Variants in RPS6KA2 observed in about 807,000 individuals in gnomAD.
The protein encoded by RPS6KA2 is ribosomal protein S6 kinase A2, also known as ribosomal protein S6 kinase alpha-2.
A neutral mutation model predicts 91.8 loss-of-function variants in RPS6KA2; 42 were observed. The observed-to-expected ratio is 0.46, with a 90% CI of 0.36 to 0.59. RPS6KA2 has a LOEUF of 0.59. RPS6KA2 is among the 20% of genes least tolerant of loss of function. The pLI is 0.00. For missense variants in RPS6KA2, 798 were observed against 978.5 expected (o/e 0.82, Z 2.46); for synonymous variants, 414 against 393.6 (o/e 1.05, Z -0.61).
intron 1 of RPS6KA2, among the ~76,000 whole-genome samples, chr6:166,600,132 C>A (rs1785681616): frequency 6.6e-6 from 1 of 152,194 alleles, no homozygotes. Flanking sequence ...CTCAGCTTCC[C>A]AAATAGGTGC....
chr6:166,792,637 A>T (rs1307262122), intron 2 of RPS6KA2, among the ~76,000 whole-genome samples: 5 of 152,336 alleles, frequency 3.3e-5, no homozygotes, highest in East Asian at 3.9e-4. Flanking sequence ...CCAGCAGCAC[A>T]TCAAAACTCT....
intron 2 of RPS6KA2, among the ~76,000 whole-genome samples, chr6:166,854,615 A>G (rs965007670): frequency 5.3e-5 from 8 of 152,228 alleles, no homozygotes; most frequent in African/African-American, 1.9e-4. Context: ...ACTTTTTATC[A>G]TATATGTTCA....
intron 2 of RPS6KA2, among the ~76,000 whole-genome samples, chr6:166,855,654 C>T (rs982131947): frequency 2.6e-5 from 4 of 152,178 alleles, no homozygotes; most frequent in Non-Finnish European, 5.9e-5. Flanking sequence ...ACAAAAGTTA[C>T]ACAACATCAT....
chr6:166,701,296 A>T (rs1306332153), intron 2 of RPS6KA2: 2 of 1,608,806 alleles, frequency 1.2e-6, no homozygotes, highest in Non-Finnish European at 1.7e-6. Flanking sequence ...CAAATTCTGA[A>T]GTTCATTCAC....
chr6:166,603,656 G>A lies in RPS6KA2; in HGVS notation c.99+23265C>T, dbSNP rs1002837007. On this transcript the variant is annotated intron_variant, in intron 1 of 20. Transcript: ENST00000265678. The surrounding 1 kb of genome is among the most constrained non-coding windows in gnomAD (Gnocchi z 4.3). ...CAACACCTGTCATTGGGAGGGCATC[G>A]TGAACATGGCTGGCACATTCCGGGT... Among the ~76,000 whole-genome samples, 2 of 152,172 alleles carry A rather than the reference G, an allele frequency of 1.3e-5. No homozygotes were observed. Among genetic ancestry groups the A allele is most frequent in the African/African-American group, 2.4e-5 (1 of 41,424 alleles).
intron 3 of RPS6KA2, among the ~76,000 whole-genome samples, chr6:166,525,087 T>A (rs956116315): frequency 7.2e-5 from 11 of 152,176 alleles, no homozygotes; most frequent in Admixed American, 1.3e-4. Context: ...ATACAGCCCA[T>A]CTCTTAAGGT....
rs564359203 is a variant in RPS6KA2, at chr6:166,724,967, C to T, written c.123+133233G>A. On this transcript the variant is annotated intron_variant, in intron 2 of 21. Transcript: ENST00000503859. ...GTATTCGACTTCTCAAGTTGAAATG[C>T]TCTCTACTAACTCTCTGCTCAGAGA... 1.8e-4 allele frequency among the ~76,000 whole-genome samples: 28 copies of T among 152,304 alleles called. No homozygotes were observed. The South Asian group carries it at 5.2e-3, about 28-fold the overall frequency.
At chr6:166,523,030 C>T (rs555491796) in intron 3 of RPS6KA2, among the ~76,000 whole-genome samples, 2 of 152,338 alleles carry the variant, frequency 1.3e-5, no homozygotes, top group South Asian at 4.1e-4. Context: ...ACTACTTACA[C>T]TGCAGAGGTA....
At position 166,659,014 on chromosome 6, in the gene RPS6KA2, C is replaced by T. The variant is rs577080366; in HGVS notation, c.124-120230G>A. Among the ~76,000 whole-genome samples the T allele has an allele frequency of 3.5e-4, 53 of 152,214 alleles. 1 individual carries two copies. The South Asian group carries it at 8.3e-3, about 24-fold the overall frequency. On this transcript the variant is annotated intron_variant, in intron 2 of 21. Coordinates refer to the RPS6KA2 transcript ENST00000503859. ...TTCCCCAGAATCATACATGCTTCTC[C>T]GGTAAACTGTGGTCCCAGTGACCCT...
intron 1 of RPS6KA2, among the ~76,000 whole-genome samples, chr6:166,547,167 T>C (rs1356397828): frequency 6.6e-6 from 1 of 152,192 alleles, no homozygotes; most frequent in Admixed American, 6.5e-5. Context: ...GAGGGACGCT[T>C]GCTGGGGTAA....
intron 2 of RPS6KA2, among the ~76,000 whole-genome samples, chr6:166,830,880 T>G (rs1780167105): frequency 6.6e-6 from 1 of 152,180 alleles, no homozygotes; most frequent in Admixed American, 6.5e-5. Flanking sequence ...TGGGACATTA[T>G]TGTTTCCTCT....
chr6:166,713,200 C>T lies in RPS6KA2; in HGVS notation c.123+145000G>A, dbSNP rs186321563. Among the ~76,000 whole-genome samples, 395 of 152,260 alleles carry T rather than the reference C, an allele frequency of 2.6e-3. 2 individuals carry two copies. Among genetic ancestry groups the T allele is most frequent in the South Asian group, 0.01 (49 of 4,818 alleles). The stretch of plus-strand genomic sequence containing the variant: ...CAACTCACTTTCTCTCTTTTCAGGG[C>T]GGAGGAAACCCAGCTCCAGGGTGAC... On this transcript the variant is annotated intron_variant, in intron 2 of 21. Coordinates refer to the RPS6KA2 transcript ENST00000503859.
At chr6:166,790,460 C>T (rs1779054021) in intron 2 of RPS6KA2, among the ~76,000 whole-genome samples, 1 of 152,228 alleles carries the variant, frequency 6.6e-6, no homozygotes, top group Admixed American at 6.5e-5. Context: ...TCCAGGAGAA[C>T]TTCCCCAATC....
rs575329396 is a variant in RPS6KA2, at chr6:166,564,650, C to T, written c.100-25866G>A. 2.2e-4 allele frequency among the ~76,000 whole-genome samples: 34 copies of T among 152,322 alleles called. No homozygotes were observed. The East Asian group carries it at 4.6e-3, about 21-fold the overall frequency. On this transcript the variant is annotated intron_variant, in intron 1 of 20. Coordinates refer to ENST00000265678, the MANE Select transcript of RPS6KA2 (RefSeq NM_021135.6). The stretch of plus-strand genomic sequence containing the variant: ...TGCTCTTTAATGTGAAGCTTTTTGA[C>T]TATTTCTGTTGTAGGAGCTCTCATT...
chr6:166,779,838 T>TGCGGCTAGCGTC (rs1778721226), intron 2 of RPS6KA2, among the ~76,000 whole-genome samples: 1 of 151,994 alleles, frequency 6.6e-6, no homozygotes, highest in African/African-American at 2.4e-5. Flanking sequence ...GGGCTAGCGT[T>TGCGGCTAGCGTC]GCCGACGGCT....
At chr6:166,806,594 T>C (rs1779498842) in intron 2 of RPS6KA2, among the ~76,000 whole-genome samples, 1 of 151,806 alleles carries the variant, frequency 6.6e-6, no homozygotes, top group African/African-American at 2.4e-5. Flanking sequence ...GCAGGGGGAG[T>C]TTGTTATCAT....
At chr6:166,436,009 A>G (rs1378385348) in intron 14 of RPS6KA2, among the ~76,000 whole-genome samples, 1 of 152,258 alleles carries the variant, frequency 6.6e-6, no homozygotes, top group East Asian at 1.9e-4. Flanking sequence ...CTGTAAAACT[A>G]GAAAACACCA....
At chr6:166,600,343 T>C (rs1785689980) in intron 1 of RPS6KA2, among the ~76,000 whole-genome samples, 1 of 152,208 alleles carries the variant, frequency 6.6e-6, no homozygotes, top group Non-Finnish European at 1.5e-5. Context: ...AAGTGGACCA[T>C]GGGCTCCAAG....
At chr6:166,819,406 C>T (rs1029313900) in intron 2 of RPS6KA2, among the ~76,000 whole-genome samples, 1 of 152,128 alleles carries the variant, frequency 6.6e-6, no homozygotes, top group Non-Finnish European at 1.5e-5. Flanking sequence ...CCCTCTGCAA[C>T]CCCATATACC....
Sources: gnomAD v4.1 joint callset for allele counts (sites outside exome capture counted in the v4.1 genomes callset) on GRCh38, gnomAD v4.1.1 for gene constraint, Gnocchi (gnomAD v3.1) non-coding constraint, MANE v1.5 for transcripts, NCBI Gene and HGNC (gene_info 2026-07-23, HGNC 2026-07-21) for gene names.